USP6NL: variants seen among roughly 807,000 people sequenced by gnomAD.
USP6NL encodes the protein USP6 N-terminal-like protein.
Under a neutral mutation model 61.9 loss-of-function variants are expected in USP6NL, and 26 were observed. That is an observed-to-expected ratio of 0.42 (90% CI 0.31 to 0.58). USP6NL has a LOEUF of 0.58. Among genes scored for constraint, USP6NL ranks in the 20% least tolerant of loss-of-function variants. The pLI is 0.16. For synonymous variants in USP6NL, 432 were observed against 390.1 expected, an observed-to-expected ratio of 1.11 and a Z score of -1.27; for missense variants, 1,114 against 1,034.3, an observed-to-expected ratio of 1.08 and a Z score of -1.06.
At position 11,518,742 on chromosome 10, in the gene USP6NL, A is replaced by C. The variant is rs1835074540; in HGVS notation, c.156-168T>G. ...ATGAAATGATAGCTACTCTAGAACC[A>C]CAGGGCCACCTATCTTCAAAATCCA... is the stretch of plus-strand genomic sequence containing the variant. On this transcript the variant is annotated intron_variant, in intron 4 of 14. Coordinates refer to ENST00000609104, the MANE Select transcript of USP6NL (RefSeq NM_014688.5). This position sits in a 1 kb window ranked among gnomAD's most constrained non-coding sequence, Gnocchi z 5.3. 6.6e-6 allele frequency among the ~76,000 whole-genome samples: 1 copy of C among 152,234 alleles called. No individual in the cohort carries two copies. The highest frequency in any genetic ancestry group is 2.4e-5 in the African/African-American group (1 of 41,464).
chr10:11,511,828 TACACACACACACACAC>T lies in USP6NL; in HGVS notation c.196-2169_196-2154del, dbSNP rs55781528. On this transcript the variant is annotated intron_variant, in intron 5 of 14. Coordinates refer to ENST00000609104, the MANE Select transcript of USP6NL (RefSeq NM_014688.5). This position sits in a 1 kb window ranked among gnomAD's most constrained non-coding sequence, Gnocchi z 4.9. Reference sequence around the variant, plus strand: ...AAATAAAATAAAATAATATATATTATACACACACACACACACACACACCCCTTGGGAAGCTATAGGA... The same window carrying T: ...AAATAAAATAAAATAATATATATTATACACACCCCTTGGGAAGCTATAGGA... Among the ~76,000 whole-genome samples, 2 of 149,904 alleles carry T rather than the reference TACACACACACACACAC, an allele frequency of 1.3e-5. No individual in the cohort carries two copies. Among genetic ancestry groups the T allele is most frequent in the Non-Finnish European group, 3.0e-5 (2 of 67,398 alleles).
chr10:11,523,619 C>T (rs1164085362), intron 4 of USP6NL, among the ~76,000 whole-genome samples: 1 of 152,028 alleles, frequency 6.6e-6, no homozygotes, highest in East Asian at 1.9e-4. Context: ...CCAAATACAG[C>T]ATTTGCCAGT....
intron 3 of USP6NL, among the ~76,000 whole-genome samples, chr10:11,526,487 A>T (rs1835425638): frequency 6.6e-6 from 1 of 152,230 alleles, no homozygotes. Flanking sequence ...GTTTTAAATT[A>T]GTGAAGCAGT....
rs1053765303 is a variant in USP6NL, at chr10:11,474,504, T to C, written c.1078+7266A>G. Among the ~76,000 whole-genome samples, 2 of 152,216 alleles carry C rather than the reference T, an allele frequency of 1.3e-5. No homozygotes were observed. The highest frequency in any genetic ancestry group is 4.8e-5 in the African/African-American group (2 of 41,462). ...AAACGTTTGTAGGAATTTATGTTTATAAGTGGAACCAAACATTAAAGTTCC... is the reference window on the plus strand; with the variant it reads ...AAACGTTTGTAGGAATTTATGTTTACAAGTGGAACCAAACATTAAAGTTCC... On this transcript the variant is annotated intron_variant, in intron 14 of 14. Transcript: ENST00000609104. The surrounding 1 kb of genome is among the most constrained non-coding windows in gnomAD (Gnocchi z 4.9).
chr10:11,525,406 T>C lies in USP6NL; in HGVS notation c.135A>G (p.Thr45=), dbSNP rs1835374878. Reference sequence around the variant, plus strand: ...CTTACTGTAAAAAGCCAAATCTATCTGTGACTTTGTAAACAAGGTAATCAG... The same window carrying C: ...CTTACTGTAAAAAGCCAAATCTATCCGTGACTTTGTAAACAAGGTAATCAG... ...EDADYLVYKV[T]DRFGFLHEEE... Residue 45 remains threonine (T), a synonymous_variant, in exon 4 of 15, where the codon ACA becomes ACG. Coordinates refer to ENST00000609104, the MANE Select transcript of USP6NL (RefSeq NM_014688.5). This position sits in a 1 kb window ranked among gnomAD's most constrained non-coding sequence, Gnocchi z 5.0. 6.2e-7 allele frequency: 1 copy of C among 1,602,074 alleles called. No individual in the cohort carries two copies. Among genetic ancestry groups the C allele is most frequent in the Non-Finnish European group, 8.5e-7 (1 of 1,176,980 alleles).
rs1417595083 is a variant in USP6NL at position 11,571,730 on chromosome 10, T to G, written c.4+25901A>C. 3.3e-5 allele frequency among the ~76,000 whole-genome samples: 5 copies of G among 151,622 alleles called. No homozygotes were observed. In the South Asian group the frequency reaches 1.0e-3, roughly 31 times the overall value. ...TTTTTTTTCAAGGAGTCTGTCAATATGAAAAATTGGTAAGATGTAACAATA... is the reference window on the plus strand; with the variant it reads ...TTTTTTTTCAAGGAGTCTGTCAATAGGAAAAATTGGTAAGATGTAACAATA... On this transcript the variant is annotated intron_variant, in intron 2 of 14. Transcript: ENST00000609104.
rs1835380423 is a variant in USP6NL at position 11,525,525 on chromosome 10, T to G, written c.73-57A>C. Reference sequence around the variant, plus strand: ...AGAGTTTATAAAACTGAATAATTTTTTAAAATAAAAGGACGAAGAAATAAG... The same window carrying G: ...AGAGTTTATAAAACTGAATAATTTTGTAAAATAAAAGGACGAAGAAATAAG... On this transcript the variant is annotated intron_variant, in intron 3 of 14. Coordinates refer to ENST00000609104, the MANE Select transcript of USP6NL (RefSeq NM_014688.5). This position sits in a 1 kb window ranked among gnomAD's most constrained non-coding sequence, Gnocchi z 5.0. 1.4e-6 allele frequency: 2 copies of G among 1,427,636 alleles called. No individual in the cohort carries two copies. The highest frequency in any genetic ancestry group is 1.5e-5 in the African/African-American group (1 of 67,268). 88.4% of individuals were successfully genotyped at this position (1,427,636 alleles called of 1,614,324 possible).
intron 14 of USP6NL, among the ~76,000 whole-genome samples, chr10:11,473,884 G>A (rs1301726258): frequency 6.6e-6 from 1 of 152,144 alleles, no homozygotes; most frequent in African/African-American, 2.4e-5. Flanking sequence ...AAGGTAAAAA[G>A]TCAAGATCTT....
intron 2 of USP6NL, among the ~76,000 whole-genome samples, chr10:11,568,387 C>T (rs1837245018): frequency 1.3e-5 from 2 of 152,114 alleles, no homozygotes; most frequent in African/African-American, 4.8e-5. Flanking sequence ...TACCTAAAGT[C>T]ATATGATAGT....
chr10:11,583,922 C>T (rs1054254299), intron 2 of USP6NL, among the ~76,000 whole-genome samples: 7 of 151,992 alleles, frequency 4.6e-5, no homozygotes, highest in African/African-American at 1.7e-4. Flanking sequence ...CCGGCTACTT[C>T]AGAGGCTGAG....
At chr10:11,556,949 T>A (rs1836730679) in intron 2 of USP6NL, among the ~76,000 whole-genome samples, 1 of 152,210 alleles carries the variant, frequency 6.6e-6, no homozygotes, top group Non-Finnish European at 1.5e-5. Flanking sequence ...CTGGTTTTTT[T>A]ATATTCCTTG....
intron 6 of USP6NL, among the ~76,000 whole-genome samples, chr10:11,502,635 C>T (rs1232179352): frequency 6.6e-6 from 1 of 152,168 alleles, no homozygotes; most frequent in Non-Finnish European, 1.5e-5. Flanking sequence ...AAGGCTTTAA[C>T]TATTACACTA....
In USP6NL at chr10:11,501,305, T is replaced by C. The variant is rs1235017268; in HGVS notation, c.277-97A>G. 5 of 950,826 alleles carry C rather than the reference T, an allele frequency of 5.3e-6. No homozygotes were observed. In the East Asian group the frequency reaches 1.3e-4, roughly 25 times the overall value. 58.9% of individuals were successfully genotyped at this position (950,826 alleles called of 1,614,324 possible). A position where few individuals can be genotyped will look rare whatever the true frequency, so the allele number is the denominator to read the frequency against. ...GCTAATATTTGTTAGCATTGTATTT[T>C]CAAAGCATCTATGGCAATTAATTAA... On this transcript the variant is annotated intron_variant, in intron 6 of 14. Coordinates refer to ENST00000609104, the MANE Select transcript of USP6NL (RefSeq NM_014688.5).
In USP6NL at chr10:11,487,045, C is replaced by A. The variant is rs556589098; in HGVS notation, c.665-1134G>T. Among the ~76,000 whole-genome samples, 10 of 149,162 alleles carry A rather than the reference C, an allele frequency of 6.7e-5. No homozygotes were observed. The South Asian group carries it at 1.5e-3, about 22-fold the overall frequency. ...GTAATATTTTTCAGTGAAATTGTTT[C>A]ATTAAAAAAAAAAAATCCGTATCTA... On this transcript the variant is annotated intron_variant, in intron 10 of 14. Coordinates refer to ENST00000609104, the MANE Select transcript of USP6NL (RefSeq NM_014688.5). This position sits in a 1 kb window ranked among gnomAD's most constrained non-coding sequence, Gnocchi z 4.2.
In USP6NL at chr10:11,518,239, G is replaced by A. The variant is rs1330484752; in HGVS notation, c.195+296C>T. On this transcript the variant is annotated intron_variant, in intron 5 of 14. Transcript: ENST00000609104. The surrounding 1 kb of genome is among the most constrained non-coding windows in gnomAD (Gnocchi z 5.3). ...CCCAGAGAGGCTGATTTCACAGACT[G>A]AGGTGGGAGCTGGGCAGCTGTGCTC... Among the ~76,000 whole-genome samples, 1 of 152,172 alleles carries A rather than the reference G, an allele frequency of 6.6e-6. No individual in the cohort carries two copies. Among genetic ancestry groups the A allele is most frequent in the Non-Finnish European group, 1.5e-5 (1 of 68,022 alleles).
intron 2 of USP6NL, among the ~76,000 whole-genome samples, chr10:11,588,265 G>A (rs777603778): frequency 2.6e-5 from 4 of 152,186 alleles, no homozygotes; most frequent in Non-Finnish European, 4.4e-5. Flanking sequence ...CTGTACTGGA[G>A]GAGCAAAATG....
intron 1 of USP6NL, among the ~76,000 whole-genome samples, chr10:11,603,245 C>T (rs1838605230): frequency 6.6e-6 from 1 of 152,184 alleles, no homozygotes; most frequent in Non-Finnish European, 1.5e-5. Flanking sequence ...ACAGACTTAT[C>T]AAATCCGAGT....
At chr10:11,504,559 C>A (rs960379405) in intron 6 of USP6NL, among the ~76,000 whole-genome samples, 2 of 152,194 alleles carry the variant, frequency 1.3e-5, no homozygotes, top group Non-Finnish European at 2.9e-5. Flanking sequence ...CTAAAAATTA[C>A]CGCTTTATTA....
intron 1 of USP6NL, among the ~76,000 whole-genome samples, chr10:11,604,432 A>G (rs1303706526): frequency 6.6e-6 from 1 of 152,222 alleles, no homozygotes; most frequent in Non-Finnish European, 1.5e-5. Context: ...TATCACTTAA[A>G]AGAAAGTCAA....
Sources: gnomAD v4.1 joint callset for allele counts (sites outside exome capture counted in the v4.1 genomes callset) on GRCh38, gnomAD v4.1.1 for gene constraint, Gnocchi (gnomAD v3.1) non-coding constraint, MANE v1.5 for transcripts, NCBI Gene and HGNC (gene_info 2026-07-23, HGNC 2026-07-21) for gene names.